STARD7: variants seen among roughly 807,000 people sequenced by gnomAD.
STARD7 encodes the protein StAR related lipid transfer domain containing 7.
Under a neutral mutation model 45.3 loss-of-function variants are expected in STARD7, and 30 were observed. The ratio of observed to expected loss-of-function variants is 0.66; its 90% CI spans 0.50 to 0.90. STARD7 has a LOEUF of 0.90. Among genes scored for constraint, STARD7 ranks in the 40% least tolerant of loss-of-function variants. The pLI, the probability that STARD7 is intolerant of heterozygous loss-of-function variation, is 0.00. For missense variants in STARD7, 495 were observed against 491.3 expected (o/e 1.01, Z -0.07); for synonymous variants, 199 against 183.0 (o/e 1.09, Z -0.70).
At chr2:96,189,364 T>C (rs1004178258) in intron 6 of STARD7, among the ~76,000 whole-genome samples, 1 of 152,176 alleles carries the variant, frequency 6.6e-6, no homozygotes, top group Non-Finnish European at 1.5e-5. Flanking sequence ...CCTGTGCCTT[T>C]TTCTCTTATG....
At chr2:96,204,254 T>C (rs140761034) in intron 1 of STARD7, among the ~76,000 whole-genome samples, 248 of 151,112 alleles carry the variant, frequency 1.6e-3, no homozygotes, top group African/African-American at 5.4e-3. Context: ...AGTGAGATTA[T>C]GTCTTAAGAA....
Position 96,208,513 on chromosome 2 carries a change from G to T in STARD7, c.-79C>A, listed in dbSNP as rs1009315602. The T allele has an allele frequency of 2.8e-5, 35 of 1,271,136 alleles. No individual in the cohort carries two copies. Among genetic ancestry groups the T allele is most frequent in the Non-Finnish European group, 3.4e-5 (34 of 991,420 alleles). 78.7% of individuals were successfully genotyped at this position (1,271,136 alleles called of 1,614,324 possible). Reference sequence around the variant, plus strand: ...GAGGGGCGCAGGCGGTGGTCGCAGCGTCCCCCTAAATGGCCGGCCACGAAC... The same window carrying T: ...GAGGGGCGCAGGCGGTGGTCGCAGCTTCCCCCTAAATGGCCGGCCACGAAC... On this transcript the variant is annotated 5_prime_UTR_variant, in exon 1 of 8. Coordinates refer to ENST00000337288, the MANE Select transcript of STARD7 (RefSeq NM_020151.4).
chr2:96,208,110 C>G, intron 1 of STARD7, 35 bp downstream of exon 1: 1 of 1,502,414 alleles, frequency 6.7e-7, no homozygotes, highest in Non-Finnish European at 8.9e-7. Context: ...GCCCCCCCAC[C>G]CCACGGCCCA....
chr2:96,190,076 G>T (rs1380068131), intron 6 of STARD7, among the ~76,000 whole-genome samples: 3 of 152,140 alleles, frequency 2.0e-5, no homozygotes, highest in African/African-American at 7.2e-5. Flanking sequence ...ATTCTTAGCA[G>T]CCAAATTGTG....
Position 96,208,486 on chromosome 2 carries a change from C to T in STARD7, c.-52G>A, listed in dbSNP as rs1296743762. The T allele has an allele frequency of 9.8e-6, 13 of 1,333,042 alleles. No individual in the cohort carries two copies. The African/African-American group carries it at 1.2e-4, about 13-fold the overall frequency. The allele number at this position is 1,333,042 out of a possible 1,614,324, so 82.6% of individuals were successfully genotyped here. On this transcript the variant is annotated 5_prime_UTR_variant, in exon 1 of 8. Transcript: ENST00000337288. ...GCTTCCGGGGCCCAAGGAACCAGTC[C>T]GGAGGGGCGCAGGCGGTGGTCGCAG...
intron 6 of STARD7, among the ~76,000 whole-genome samples, chr2:96,189,727 A>T (rs1164631529): frequency 6.7e-6 from 1 of 150,034 alleles, no homozygotes; most frequent in Non-Finnish European, 1.5e-5. Context: ...AAAAAAAATC[A>T]ATATTTTGTA....
At chr2:96,189,827 T>C (rs1044007168) in intron 6 of STARD7, among the ~76,000 whole-genome samples, 2 of 152,162 alleles carry the variant, frequency 1.3e-5, no homozygotes, top group Admixed American at 1.3e-4. Flanking sequence ...TCTGAGGCTG[T>C]GTATTTCAAC....
At chr2:96,190,675 A>G (rs950693929) in intron 6 of STARD7, among the ~76,000 whole-genome samples, 3 of 151,342 alleles carry the variant, frequency 2.0e-5, no homozygotes, top group Non-Finnish European at 4.4e-5. Flanking sequence ...AGGGTCTCAA[A>G]CTGTTGCCCA....
chr2:96,208,143 A>G lies in STARD7; in HGVS notation c.290+2T>C. 1 of 1,552,860 alleles carries G rather than the reference A, an allele frequency of 6.4e-7. No individual in the cohort carries two copies. The highest frequency in any genetic ancestry group is 8.7e-7 in the Non-Finnish European group (1 of 1,150,008). ...CCAGAAAGAGCTCGCCGCAGCGCCC[A>G]CCTCTGCAACTCCTCCTCCTGGATC... On this transcript the variant is annotated splice_donor_variant, in intron 1 of 7. Coordinates refer to ENST00000337288, the MANE Select transcript of STARD7 (RefSeq NM_020151.4). LOFTEE classifies it high-confidence loss of function.
At chr2:96,199,330 A>T (rs1294756873) in intron 1 of STARD7, among the ~76,000 whole-genome samples, 1 of 152,186 alleles carries the variant, frequency 6.6e-6, no homozygotes, top group East Asian at 1.9e-4. Flanking sequence ...TCTTTCACTT[A>T]TGTCTTTTTA....
intron 1 of STARD7, among the ~76,000 whole-genome samples, chr2:96,204,824 A>G (rs1683362693): frequency 6.6e-6 from 1 of 152,054 alleles, no homozygotes; most frequent in South Asian, 2.1e-4. Flanking sequence ...AACACACTGA[A>G]GTTTAACATA....
chr2:96,197,689 T>C (rs1683245187), intron 1 of STARD7, among the ~76,000 whole-genome samples: 1 of 152,228 alleles, frequency 6.6e-6, no homozygotes, highest in Non-Finnish European at 1.5e-5. Flanking sequence ...AGAACATTTT[T>C]ATCACCCCCA....
chr2:96,194,380 T>C (rs952112649), intron 3 of STARD7, among the ~76,000 whole-genome samples: 7 of 151,154 alleles, frequency 4.6e-5, no homozygotes, highest in South Asian at 2.1e-4. Context: ...AAAAAAACCC[T>C]CCACTATGGA....
chr2:96,204,411 G>A (rs572525156), intron 1 of STARD7, among the ~76,000 whole-genome samples: 24 of 151,868 alleles, frequency 1.6e-4, no homozygotes, highest in Non-Finnish European at 2.6e-4. Flanking sequence ...AAAATTAGCC[G>A]GGTGTGGTGG....
In STARD7 at chr2:96,208,363, G is replaced by A. The variant is rs756560467; in HGVS notation, c.72C>T (p.Ala24=). 9.7e-6 allele frequency: 15 copies of A among 1,552,816 alleles called. No homozygotes were observed. Among genetic ancestry groups the A allele is most frequent in the Non-Finnish European group, 1.2e-5 (14 of 1,158,862 alleles). ...GGCCCGTGACGAAGCGGCACTGATTGGCCAGAAGCGCCAGCAGGCCCCCGC... is the reference window on the plus strand; with the variant it reads ...GGCCCGTGACGAAGCGGCACTGATTAGCCAGAAGCGCCAGCAGGCCCCCGC... ...TRGGGLLALL[A]NQCRFVTGLR... The change falls in exon 1 of 8, where the codon GCC becomes GCT. Residue 24 remains alanine (A), a synonymous_variant. Transcript: ENST00000337288.
At chr2:96,190,802 C>T (rs1002313682) in intron 6 of STARD7, among the ~76,000 whole-genome samples, 6 of 152,142 alleles carry the variant, frequency 3.9e-5, no homozygotes, top group African/African-American at 1.4e-4. Flanking sequence ...ATCACCATGC[C>T]TGGCTAATTT....
chr2:96,189,593 T>C (rs56229635), intron 6 of STARD7, among the ~76,000 whole-genome samples: 3,642 of 151,818 alleles, frequency 0.024, 59 homozygotes, highest in Non-Finnish European at 0.031. Context: ...TAATCCCAGC[T>C]ACTTGGGAGG....
chr2:96,196,453 C>G (rs1683207429), intron 1 of STARD7, among the ~76,000 whole-genome samples: 1 of 152,054 alleles, frequency 6.6e-6, no homozygotes, highest in Non-Finnish European at 1.5e-5. Flanking sequence ...CAGTAAGACT[C>G]TGTCTCTTTT....
intron 1 of STARD7, among the ~76,000 whole-genome samples, chr2:96,206,800 CAAAAAAAAAAA>C (rs61417989): frequency 6.1e-5 from 3 of 49,488 alleles, no homozygotes; most frequent in African/African-American, 8.5e-5. Flanking sequence ...GACTCCGTCT[CAAAAAAAAAAA>C]AAAAAAAAAA....
Sources: allele counts gnomAD v4.1 joint callset (sites outside exome capture counted in the v4.1 genomes callset), GRCh38; gene constraint gnomAD v4.1.1; transcripts MANE v1.5; gene names NCBI Gene and HGNC (gene_info 2026-07-23, HGNC 2026-07-21).